Variants in OTOP2 observed in about 807,000 individuals in gnomAD.
OTOP2 encodes otopetrin 2.
A neutral mutation model predicts 47.4 loss-of-function variants in OTOP2; 41 were observed. The ratio of observed to expected loss-of-function variants is 0.87; its 90% confidence interval spans 0.67 to 1.12. OTOP2 has a LOEUF of 1.12. Ranked by LOEUF, OTOP2 falls within the 50% of genes most tolerant of loss-of-function variation. The pLI, the probability that OTOP2 is intolerant of heterozygous loss-of-function variation, is 0.00. For missense variants in OTOP2, 721 were observed against 752.2 expected, an observed-to-expected ratio of 0.96 and a Z score of 0.49; for synonymous variants, 328 against 319.6, an observed-to-expected ratio of 1.03 and a Z score of -0.28.
In OTOP2 at chr17:74,930,820, C is replaced by T; in HGVS notation, c.1185C>T (p.Pro395=). 6.2e-7 allele frequency: 1 copy of T among 1,614,134 alleles called. No individual in the cohort carries two copies. ...YSIVAVVAGT[P]QDLLAGLNLT... ...TCGTGGCTGTGGTGGCGGGCACACC[C>T]CAGGACCTGCTGGCAGGGCTCAACC... Residue 395 remains proline, a synonymous_variant, in exon 6 of 7, where the codon CCC becomes CCT. Coordinates refer to ENST00000331427, the MANE Select transcript of OTOP2 (RefSeq NM_178160.3). This position sits in a 1 kb window ranked among gnomAD's most constrained non-coding sequence, Gnocchi z 4.0.
chr17:74,930,504 T>G lies in OTOP2; in HGVS notation c.869T>G (p.Phe290Cys), dbSNP rs1364947009. The G allele has an allele frequency of 6.2e-7, 1 of 1,612,962 alleles. No individual in the cohort carries two copies. The highest frequency in any genetic ancestry group is 8.5e-7 in the Non-Finnish European group (1 of 1,178,998). The part of the protein sequence containing the change: ...TPVSLFRETF[F>C]AGPVLGLLLF... ...GTCAGCCTCTTCCGGGAGACCTTTT[T>G]TGCTGGCCCGGTTCTGGGCCTGCTG... Residue 290 changes from phenylalanine to cysteine, a missense_variant, in exon 6 of 7, where the codon TTT (phenylalanine) becomes TGT (cysteine). Coordinates refer to ENST00000331427, the MANE Select transcript of OTOP2 (RefSeq NM_178160.3). The surrounding 1 kb of genome is among the most constrained non-coding windows in gnomAD (Gnocchi z 4.0).
intron 2 of OTOP2, 62 bp from the exon 3 acceptor site, chr17:74,925,494 G>C (rs147274052): frequency 1.5e-5 from 24 of 1,589,362 alleles, no homozygotes; most frequent in South Asian, 4.6e-5. Context: ...TCCTCAGCTC[G>C]GCAGGCCTTC....
At position 74,927,262 on chromosome 17, in the gene OTOP2, G is replaced by A. The variant is rs374632139; in HGVS notation, c.490G>A (p.Val164Ile). The A allele has an allele frequency of 3.3e-5, 54 of 1,613,366 alleles. No homozygotes were observed. In the Middle Eastern group the frequency reaches 6.7e-4, roughly 20 times the overall value. ...LWVSAKDCVHVHLDLTWCGLM... is the reference protein window; with the variant it reads ...LWVSAKDCVHIHLDLTWCGLM... ...GGTCTCTGCTAAAGACTGCGTTCAC[G>A]TCCACCTGGATCTGACCTGGTGAGA... Residue 164 changes from valine to isoleucine, a missense_variant, in exon 4 of 7, where the codon GTC becomes ATC. Val to Ile is a conservative substitution (Grantham distance 29, BLOSUM62 3). Transcript: ENST00000331427.
rs775525393 is a variant in OTOP2, at chr17:74,930,686, C to T, written c.1051C>T (p.Arg351Cys). Residue 351 changes from arginine to cysteine, a missense_variant, in exon 6 of 7, where the codon CGT becomes TGT. By Grantham distance (180) the Arg-to-Cys change is radical. Coordinates refer to ENST00000331427, the MANE Select transcript of OTOP2 (RefSeq NM_178160.3). This position sits in a 1 kb window ranked among gnomAD's most constrained non-coding sequence, Gnocchi z 4.0. ...CAGCCTGAGCGGCTCCATCATCTACCGTTTTGACCGCCGGGCCATGGACCA... is the reference window on the plus strand; with the variant it reads ...CAGCCTGAGCGGCTCCATCATCTACTGTTTTGACCGCCGGGCCATGGACCA... Reference protein sequence around the residue: ...LVSLSGSIIYRFDRRAMDHHK... With the variant: ...LVSLSGSIIYCFDRRAMDHHK... 8 of 1,613,980 alleles carry T rather than the reference C, an allele frequency of 5.0e-6. No individual in the cohort carries two copies. The highest frequency in any genetic ancestry group is 4.0e-5 in the African/African-American group (3 of 74,900).
chr17:74,927,235 T>C lies in OTOP2; in HGVS notation c.463T>C (p.Trp155Arg), dbSNP rs1173193917. 6.2e-7 allele frequency: 1 copy of C among 1,613,182 alleles called. No individual in the cohort carries two copies. The highest frequency in any genetic ancestry group is 8.5e-7 in the Non-Finnish European group (1 of 1,179,120). ...TCTCTCCATACAGACCTACTTTCTC[T>C]GGGTCTCTGCTAAAGACTGCGTTCA... Reference protein sequence around the residue: ...VFVIIQTYFLWVSAKDCVHVH... With the variant: ...VFVIIQTYFLRVSAKDCVHVH... Residue 155 changes from tryptophan to arginine, a missense_variant, in exon 4 of 7, where the codon TGG becomes CGG. Transcript: ENST00000331427.
In OTOP2 at chr17:74,924,977, G is replaced by A; in HGVS notation, c.313+32G>A. The A allele has an allele frequency of 6.6e-7, 1 of 1,522,422 alleles. No homozygotes were observed. The highest frequency in any genetic ancestry group is 8.8e-7 in the Non-Finnish European group (1 of 1,132,702). 94.3% of individuals were successfully genotyped at this position (1,522,422 alleles called of 1,614,324 possible). On this transcript the variant is annotated intron_variant, in intron 2 of 6. Transcript: ENST00000331427. The surrounding 1 kb of genome is among the most constrained non-coding windows in gnomAD (Gnocchi z 7.7). ...GGGGAGGTGGGGGCGAGGTAGGGTGGGCACAACAGGGAGCTGCAGGCTAGG... is the reference window on the plus strand; with the variant it reads ...GGGGAGGTGGGGGCGAGGTAGGGTGAGCACAACAGGGAGCTGCAGGCTAGG...
In OTOP2 at chr17:74,930,384, A is replaced by G; in HGVS notation, c.749A>G (p.Tyr250Cys). ...TACCTATATCCCTTCAACATCGAGT[A>G]CAGCCTCTTCGCCTCCACCATGCTG... ...YFYLYPFNIEYSLFASTMLYV... is the reference protein window; with the variant it reads ...YFYLYPFNIECSLFASTMLYV... The change falls in exon 6 of 7, where the codon TAC (tyrosine) becomes TGC (cysteine). Residue 250 changes from tyrosine to cysteine, a missense_variant. By Grantham distance (194) the Tyr-to-Cys change is radical. Transcript: ENST00000331427. This position sits in a 1 kb window ranked among gnomAD's most constrained non-coding sequence, Gnocchi z 4.0. 1 of 1,614,174 alleles carries G rather than the reference A, an allele frequency of 6.2e-7. No homozygotes were observed. Among genetic ancestry groups the G allele is most frequent in the South Asian group, 1.1e-5 (1 of 91,080 alleles).
In OTOP2 at chr17:74,924,407, G is replaced by T; in HGVS notation, c.-34+74G>T. 1.8e-6 allele frequency: 1 copy of T among 549,066 alleles called. No individual in the cohort carries two copies. Among genetic ancestry groups the T allele is most frequent in the Non-Finnish European group, 3.1e-6 (1 of 320,548 alleles). The allele number at this position is 549,066 out of a possible 1,614,324, so 34.0% of individuals were successfully genotyped here. On this transcript the variant is annotated intron_variant, in intron 1 of 6. Transcript: ENST00000331427. This position sits in a 1 kb window ranked among gnomAD's most constrained non-coding sequence, Gnocchi z 7.7. ...TGGAGGGGTCCAACCGGGTGCTGCC[G>T]CTTCTCCTTTCTTCCCATCCAGCGA...
At position 74,930,547 on chromosome 17, in the gene OTOP2, G is replaced by C; in HGVS notation, c.912G>C (p.Leu304=). Residue 304 remains leucine, a synonymous_variant, in exon 6 of 7, where the codon CTG becomes CTC. Coordinates refer to ENST00000331427, the MANE Select transcript of OTOP2 (RefSeq NM_178160.3). This position sits in a 1 kb window ranked among gnomAD's most constrained non-coding sequence, Gnocchi z 4.0. Reference sequence around the variant, plus strand: ...GCCTGCTGCTCTTCGTGGTGGGGCTGGCTGTCTTCATCATCTACGAGGTTC... The same window carrying C: ...GCCTGCTGCTCTTCGTGGTGGGGCTCGCTGTCTTCATCATCTACGAGGTTC... The part of the protein sequence containing the change: ...VLGLLLFVVG[L]AVFIIYEVQV... The C allele has an allele frequency of 6.2e-7, 1 of 1,613,296 alleles. No individual in the cohort carries two copies. The highest frequency in any genetic ancestry group is 8.5e-7 in the Non-Finnish European group (1 of 1,179,330).
In OTOP2 at chr17:74,930,698, C is replaced by T. The variant is rs1209074207; in HGVS notation, c.1063C>T (p.Arg355Trp). The T allele has an allele frequency of 9.3e-6, 15 of 1,614,070 alleles. No individual in the cohort carries two copies. Among genetic ancestry groups the T allele is most frequent in the African/African-American group, 1.3e-5 (1 of 74,994 alleles). ...CTCCATCATCTACCGTTTTGACCGCCGGGCCATGGACCACCATAAGAACCC... is the reference window on the plus strand; with the variant it reads ...CTCCATCATCTACCGTTTTGACCGCTGGGCCATGGACCACCATAAGAACCC... ...SGSIIYRFDR[R>W]AMDHHKNPTR... Residue 355 changes from arginine (R) to tryptophan (W), a missense_variant, in exon 6 of 7, where the codon CGG becomes TGG. Coordinates refer to ENST00000331427, the MANE Select transcript of OTOP2 (RefSeq NM_178160.3). The surrounding 1 kb of genome is among the most constrained non-coding windows in gnomAD (Gnocchi z 4.0).
rs570449755 is a variant in OTOP2, at chr17:74,931,009, C to T, written c.1374C>T (p.Ser458=). The T allele has an allele frequency of 6.8e-6, 11 of 1,614,114 alleles. No homozygotes were observed. The highest frequency in any genetic ancestry group is 1.7e-5 in the Admixed American group (1 of 60,012). Reference sequence around the variant, plus strand: ...ACCTGGATGCCCTCCACACGTTGTCCGCCTGCCCACCCAACCCCGGGCTGG... The same window carrying T: ...ACCTGGATGCCCTCCACACGTTGTCTGCCTGCCCACCCAACCCCGGGCTGG... ...FTNLDALHTL[S]ACPPNPGLVS... The change falls in exon 6 of 7, where the codon TCC becomes TCT. Residue 458 remains serine, a synonymous_variant. Transcript: ENST00000331427.
In OTOP2 at chr17:74,933,670, G is replaced by A. The variant is rs2144771153; in HGVS notation, c.*125G>A. 1.7e-6 allele frequency: 2 copies of A among 1,169,894 alleles called. No individual in the cohort carries two copies. The highest frequency in any genetic ancestry group is 1.2e-6 in the Non-Finnish European group (1 of 866,386). 72.5% of individuals were successfully genotyped at this position (1,169,894 alleles called of 1,614,324 possible). ...GCCCATTTCCTTCTGGTCCCAGAGT[G>A]GAATTTTCACAAAAGTTATTTTTCC... On this transcript the variant is annotated 3_prime_UTR_variant, in exon 7 of 7. Coordinates refer to ENST00000331427, the MANE Select transcript of OTOP2 (RefSeq NM_178160.3). The surrounding 1 kb of genome is among the most constrained non-coding windows in gnomAD (Gnocchi z 4.7).
At position 74,924,990 on chromosome 17, in the gene OTOP2, G is replaced by T; in HGVS notation, c.313+45G>T. 6.6e-7 allele frequency: 1 copy of T among 1,505,928 alleles called. No homozygotes were observed. Among genetic ancestry groups the T allele is most frequent in the East Asian group, 2.5e-5 (1 of 40,706 alleles). 93.3% of individuals were successfully genotyped at this position (1,505,928 alleles called of 1,614,324 possible). A position where few individuals can be genotyped will look rare whatever the true frequency, so the allele number is the denominator to read the frequency against. On this transcript the variant is annotated intron_variant, in intron 2 of 6. Coordinates refer to ENST00000331427, the MANE Select transcript of OTOP2 (RefSeq NM_178160.3). The surrounding 1 kb of genome is among the most constrained non-coding windows in gnomAD (Gnocchi z 7.7). ...CGAGGTAGGGTGGGCACAACAGGGA[G>T]CTGCAGGCTAGGGCTCTCGCAGGAG...
intron 6 of OTOP2, 28 bp downstream of exon 6, chr17:74,931,181 G>A: frequency 6.4e-7 from 1 of 1,555,718 alleles, no homozygotes; most frequent in African/African-American, 1.4e-5. Flanking sequence ...GAAAGGGTGG[G>A]CTTGGGAGAA....
At chr17:74,925,996 G>C (rs1027481551) in intron 3 of OTOP2, among the ~76,000 whole-genome samples, 2 of 152,210 alleles carry the variant, frequency 1.3e-5, no homozygotes, top group African/African-American at 4.8e-5. Flanking sequence ...CCTAGAACCT[G>C]GCCTGCCCTT....
At chr17:74,932,598 A>C (rs1567946364) in intron 6 of OTOP2, among the ~76,000 whole-genome samples, 2 of 152,166 alleles carry the variant, frequency 1.3e-5, no homozygotes, top group African/African-American at 4.8e-5. Flanking sequence ...CCTTCCACCC[A>C]GGCCTGGCTT....
intron 2 of OTOP2, among the ~76,000 whole-genome samples, chr17:74,925,168 C>T (rs2038995857): frequency 6.6e-6 from 1 of 152,036 alleles, no homozygotes; most frequent in Non-Finnish European, 1.5e-5. Context: ...ACCTCTTTGC[C>T]CCCGGTCTGA....
chr17:74,925,767 GGA>G, intron 3 of OTOP2, 75 bp downstream of exon 3: 1 of 1,589,910 alleles, frequency 6.3e-7, no homozygotes, highest in Admixed American at 1.7e-5. Flanking sequence ...ACAAGGGGTC[GGA>G]GACCTGAGCT....
chr17:74,927,611 C>T (rs2039020215), intron 4 of OTOP2, 54 bp from the exon 5 acceptor site: 2 of 1,580,058 alleles, frequency 1.3e-6, no homozygotes, highest in South Asian at 1.2e-5. Context: ...GTATTGCTCC[C>T]CAACCTGCCA....
Sources: gnomAD v4.1 joint callset for allele counts (sites outside exome capture counted in the v4.1 genomes callset) on GRCh38, gnomAD v4.1.1 for gene constraint, Gnocchi (gnomAD v3.1) non-coding constraint, MANE v1.5 for transcripts, NCBI Gene and HGNC (gene_info 2026-07-23, HGNC 2026-07-21) for gene names.